Variants in NALF1 observed in about 807,000 individuals in gnomAD.
NALF1 encodes the protein NALCN channel auxiliary factor 1, also known as family with sequence similarity 155 member A.
Under a neutral mutation model 48.4 loss-of-function variants are expected in NALF1, and 3 were observed. The ratio of observed to expected loss-of-function variants is 0.06; its 90% CI spans 0.03 to 0.16. The LOEUF (loss-of-function observed/expected upper bound fraction) is 0.16. NALF1 is among the 10% of genes least tolerant of loss of function. The probability of loss-of-function intolerance (pLI) is 1.00; values close to 1 mark genes in which losing one functional copy is unlikely to be tolerated. For missense variants in NALF1, 526 were observed against 571.5 expected (o/e 0.92, Z 0.81); for synonymous variants, 262 against 245.7 (o/e 1.07, Z -0.62).
chr13:107,340,867 A>G (rs939060007), intron 1 of NALF1, among the ~76,000 whole-genome samples: 21 of 152,162 alleles, frequency 1.4e-4, no homozygotes, highest in African/African-American at 4.8e-4. Flanking sequence ...TTCAACAACT[A>G]TATCTGTGAA....
At chr13:107,662,776 G>T (rs1248485665) in intron 1 of NALF1, among the ~76,000 whole-genome samples, 4 of 152,132 alleles carry the variant, frequency 2.6e-5, no homozygotes, top group African/African-American at 4.8e-5. Context: ...AAGAGATAAT[G>T]ATACCATTAT....
chr13:107,287,706 C>CT (rs59607599), intron 1 of NALF1, among the ~76,000 whole-genome samples: 36,806 of 127,694 alleles, frequency 0.29, 5,773 homozygotes, highest in Non-Finnish European at 0.33. Flanking sequence ...TCTTTTCTTT[C>CT]TTTTTTTTTT....
chr13:107,727,310 A>C (rs1370816058), intron 1 of NALF1, among the ~76,000 whole-genome samples: 1 of 152,180 alleles, frequency 6.6e-6, no homozygotes, highest in Non-Finnish European at 1.5e-5. Context: ...TTATTTCCTT[A>C]TATCTATGTG....
intron 1 of NALF1, among the ~76,000 whole-genome samples, chr13:107,567,772 T>G (rs747921794): frequency 2.5e-4 from 38 of 152,250 alleles, no homozygotes; most frequent in Non-Finnish European, 4.6e-4. Context: ...TACCCCTTTA[T>G]AGCCAAACCC....
At chr13:107,728,535 G>A (rs1466467194) in intron 1 of NALF1, among the ~76,000 whole-genome samples, 3 of 151,860 alleles carry the variant, frequency 2.0e-5, no homozygotes, top group Non-Finnish European at 4.4e-5. Context: ...TCTGTCAGGG[G>A]GTTGGGGGAA....
At chr13:107,591,326 G>A (rs747964049) in intron 1 of NALF1, among the ~76,000 whole-genome samples, 1 of 151,900 alleles carries the variant, frequency 6.6e-6, no homozygotes, top group Non-Finnish European at 1.5e-5. Context: ...AGTTTAATAC[G>A]TATTCTGCAC....
intron 1 of NALF1, among the ~76,000 whole-genome samples, chr13:107,776,527 AC>A (rs1256102676): frequency 5.9e-5 from 9 of 152,152 alleles, no homozygotes; most frequent in Non-Finnish European, 1.0e-4. Flanking sequence ...GTATAGCCTG[AC>A]TGATGAACTC....
intron 1 of NALF1, among the ~76,000 whole-genome samples, chr13:107,373,206 G>C (rs1465592530): frequency 6.6e-6 from 1 of 152,086 alleles, no homozygotes; most frequent in Non-Finnish European, 1.5e-5. Context: ...TCTTCATTAA[G>C]GAAGAATAGA....
chr13:107,179,875 G>A (rs1450235821), intron 2 of NALF1, among the ~76,000 whole-genome samples: 2 of 141,468 alleles, frequency 1.4e-5, no homozygotes, highest in Non-Finnish European at 3.1e-5. Flanking sequence ...CTGTCCCCAC[G>A]TGGCCTTCCC....
chr13:107,580,710 C>T (rs1878281502), intron 1 of NALF1, among the ~76,000 whole-genome samples: 1 of 152,134 alleles, frequency 6.6e-6, no homozygotes, highest in Admixed American at 6.5e-5. Context: ...ATCATATATT[C>T]TTTCAAGTTT....
At chr13:107,207,680 G>A (rs528864755) in intron 2 of NALF1, among the ~76,000 whole-genome samples, 5 of 152,140 alleles carry the variant, frequency 3.3e-5, no homozygotes, top group African/African-American at 9.7e-5. Flanking sequence ...ACAGGGTCTC[G>A]CTATGCTGCC....
At chr13:107,406,225 A>T (rs1883897000) in intron 1 of NALF1, among the ~76,000 whole-genome samples, 3 of 152,106 alleles carry the variant, frequency 2.0e-5, no homozygotes, top group Admixed American at 2.0e-4. Flanking sequence ...CTTTGGAATA[A>T]GTTCTTACTT....
chr13:107,740,719 G>A (rs778272198), intron 1 of NALF1, among the ~76,000 whole-genome samples: 1 of 152,012 alleles, frequency 6.6e-6, no homozygotes, highest in South Asian at 2.1e-4. Flanking sequence ...TTTATAAATG[G>A]GCATCATTTT....
intron 1 of NALF1, among the ~76,000 whole-genome samples, chr13:107,342,740 C>A (rs969045048): frequency 9.2e-5 from 14 of 151,886 alleles, no homozygotes; most frequent in African/African-American, 3.4e-4. Flanking sequence ...AAATAAAACA[C>A]CTATAGAAGA....
At chr13:107,856,352 C>T (rs1380001469) in intron 1 of NALF1, among the ~76,000 whole-genome samples, 1 of 152,136 alleles carries the variant, frequency 6.6e-6, no homozygotes, top group Admixed American at 6.5e-5. Flanking sequence ...CCCAGCACCA[C>T]CATAATGTTG....
At chr13:107,572,327 C>A (rs1878011068) in intron 1 of NALF1, among the ~76,000 whole-genome samples, 1 of 152,038 alleles carries the variant, frequency 6.6e-6, no homozygotes, top group Non-Finnish European at 1.5e-5. Flanking sequence ...CTCCATGGAG[C>A]AAACAAAGGG....
At chr13:107,581,314 C>A (rs538642337) in intron 1 of NALF1, among the ~76,000 whole-genome samples, 2 of 152,218 alleles carry the variant, frequency 1.3e-5, no homozygotes, top group South Asian at 4.1e-4. Context: ...ACAGGGGGAA[C>A]AGAATCAACA....
intron 1 of NALF1, among the ~76,000 whole-genome samples, chr13:107,307,487 A>AT (rs550440207): frequency 0.018 from 2,686 of 148,658 alleles, 58 homozygotes; most frequent in African/African-American, 0.051. Context: ...TTTTATTTTT[A>AT]TTTTTTTTTT....
chr13:107,235,974 G>A (rs867092428), intron 1 of NALF1, among the ~76,000 whole-genome samples: 2 of 152,154 alleles, frequency 1.3e-5, no homozygotes, highest in East Asian at 1.9e-4. Context: ...ATTGTAGAAC[G>A]TGAAGTCATT....
Sources: allele counts gnomAD v4.1 joint callset (sites outside exome capture counted in the v4.1 genomes callset), GRCh38; gene constraint gnomAD v4.1.1; transcripts MANE v1.5; gene names NCBI Gene and HGNC (gene_info 2026-07-23, HGNC 2026-07-21).